The following CAPN3 variants were observed in gnomAD, a reference collection of about 807,000 sequenced individuals.
CAPN3 encodes calpain-3.
Under a neutral mutation model 114.0 loss-of-function variants are expected in CAPN3, and 88 were observed. That is an observed-to-expected ratio of 0.77 (90% CI 0.65 to 0.92). The LOEUF (loss-of-function observed/expected upper bound fraction) is 0.92. Among genes scored for constraint, CAPN3 ranks in the 40% least tolerant of loss-of-function variants. The pLI is 0.00. For synonymous variants in CAPN3, 386 were observed against 382.9 expected, an observed-to-expected ratio of 1.01 and a Z score of -0.09; for missense variants, 1,028 against 1,069.0, an observed-to-expected ratio of 0.96 and a Z score of 0.53.
chr15:42,371,146 T>C (rs1240640615), intron 1 of CAPN3, among the ~76,000 whole-genome samples: 1 of 152,208 alleles, frequency 6.6e-6, no homozygotes, highest in Non-Finnish European at 1.5e-5. Context: ...GGTACCCATT[T>C]GAGAGCCAGC....
intron 1 of CAPN3, chr15:42,374,457 G>A (rs908464092): frequency 6.6e-6 from 1 of 152,178 alleles, no homozygotes; most frequent in Non-Finnish European, 1.5e-5. Context: ...GTTCCTAGCA[G>A]GTGTTCAGGC....
chr15:42,371,930 C>T (rs917594987), intron 1 of CAPN3, among the ~76,000 whole-genome samples: 1 of 151,314 alleles, frequency 6.6e-6, no homozygotes, highest in Admixed American at 6.6e-5. Flanking sequence ...TAGTACTGCA[C>T]TCTAGCCTGG....
intron 5 of CAPN3, 118 bp from the exon 6 acceptor site, chr15:42,389,835 C>T: frequency 9.3e-6 from 10 of 1,079,196 alleles, no homozygotes; most frequent in Admixed American, 3.8e-5. Flanking sequence ...CTCTGTTGAT[C>T]TCTCCTCTCT....
Position 42,405,931 on chromosome 15 carries a change from GAAAA to G in CAPN3, c.1792_1795del (p.Lys598ProfsTer63). On this transcript the variant is annotated frameshift_variant, in exon 15 of 24. Coordinates refer to ENST00000397163, the MANE Select transcript of CAPN3 (RefSeq NM_000070.3). LOFTEE classifies it high-confidence loss of function. ...TGTTTCCTTTTCTTATGCAGAAAAA[GAAAA>G]AAACCAAGGTAGGTGTGTGGGTAGA... 1.2e-6 allele frequency: 2 copies of G among 1,612,100 alleles called. No individual in the cohort carries two copies. Among genetic ancestry groups the G allele is most frequent in the Non-Finnish European group, 1.7e-6 (2 of 1,178,310 alleles).
At position 42,387,792 on chromosome 15, in the gene CAPN3, G is replaced by A. The variant is rs767477904; in HGVS notation, c.538G>A (p.Asp180Asn). 6.2e-7 allele frequency: 1 copy of A among 1,614,220 alleles called. No individual in the cohort carries two copies. The highest frequency in any genetic ancestry group is 1.7e-5 in the Admixed American group (1 of 60,016). Residue 180 changes from aspartate (D) to asparagine (N), a missense_variant, in exon 4 of 24, where the codon GAC becomes AAC. Asp to Asn is a conservative substitution (Grantham distance 23). Coordinates refer to ENST00000397163, the MANE Select transcript of CAPN3 (RefSeq NM_000070.3). ...YGEWVDVVIDDCLPTYNNQLV... is the reference protein window; with the variant it reads ...YGEWVDVVIDNCLPTYNNQLV... ...AGAGTGGGTGGACGTGGTTATAGAT[G>A]ACTGCCTGCCAACGTACAACAATCA...
intron 23 of CAPN3, 80 bp downstream of exon 23, chr15:42,411,425 G>A (rs1436098013): frequency 7.9e-7 from 1 of 1,263,032 alleles, no homozygotes; most frequent in African/African-American, 1.5e-5. Context: ...TGGACCCAGG[G>A]TGTGCTCCTC....
intron 16 of CAPN3, chr15:42,408,581 A>G: frequency 1.9e-5 from 9 of 462,826 alleles, no homozygotes; most frequent in South Asian, 1.7e-4. Flanking sequence ...TCCAGCCAGG[A>G]TACAGAGAAG....
chr15:42,406,305 C>A (rs1398908183), intron 15 of CAPN3, among the ~76,000 whole-genome samples: 2 of 152,160 alleles, frequency 1.3e-5, no homozygotes, highest in Non-Finnish European at 2.9e-5. Context: ...TAGAGCCAGG[C>A]AGTCTGGGTC....
At chr15:42,403,071 A>G in intron 13 of CAPN3, 69 bp downstream of exon 13, 1 of 1,331,746 alleles carries the variant, frequency 7.5e-7, no homozygotes, top group African/African-American at 1.4e-5. Flanking sequence ...GGTTGAAGGC[A>G]TGAGGCAGCT....
chr15:42,370,421 G>A lies in CAPN3; in HGVS notation c.309+10307G>A, dbSNP rs148365897. 3.3e-3 allele frequency among the ~76,000 whole-genome samples: 499 copies of A among 152,276 alleles called. 3 individuals carry two copies. Among genetic ancestry groups the A allele is most frequent in the Non-Finnish European group, 5.5e-3 (377 of 68,030 alleles). ...GGGGCTGAATCACAGAAAAACCTAG[G>A]CTGTGGCAGGAAGCTCTCTGCTCCT... On this transcript the variant is annotated intron_variant, in intron 1 of 23. Coordinates refer to ENST00000397163, the MANE Select transcript of CAPN3 (RefSeq NM_000070.3).
intron 9 of CAPN3, among the ~76,000 whole-genome samples, chr15:42,398,519 G>A (rs2053764436): frequency 6.6e-6 from 1 of 151,236 alleles, no homozygotes; most frequent in Non-Finnish European, 1.5e-5. Flanking sequence ...AGGAGGTGGA[G>A]GTTGCAGTGA....
intron 2 of CAPN3, among the ~76,000 whole-genome samples, chr15:42,385,375 A>G (rs574914825): frequency 1.3e-5 from 2 of 152,190 alleles, no homozygotes; most frequent in Admixed American, 1.3e-4. Context: ...CTTTCCAAGG[A>G]AAGACTGGCT....
intron 1 of CAPN3, among the ~76,000 whole-genome samples, chr15:42,367,923 G>A (rs2052831024): frequency 6.6e-6 from 1 of 152,148 alleles, no homozygotes; most frequent in South Asian, 2.1e-4. Context: ...CAGACTCTGA[G>A]TAGCTGGGAC....
chr15:42,396,209 C>A (rs1340276982), intron 8 of CAPN3, among the ~76,000 whole-genome samples: 1 of 151,264 alleles, frequency 6.6e-6, no homozygotes, highest in South Asian at 2.1e-4. Context: ...TATTATTAAA[C>A]GGAACTCCCA....
intron 1 of CAPN3, among the ~76,000 whole-genome samples, chr15:42,381,599 G>A (rs1379764486): frequency 6.6e-6 from 1 of 152,144 alleles, no homozygotes; most frequent in Non-Finnish European, 1.5e-5. Flanking sequence ...GGAGTGCAGT[G>A]GTGCGATCTT....
Position 42,402,207 on chromosome 15 carries a change from T to A in CAPN3, c.1536+72T>A. The A allele has an allele frequency of 1.9e-6, 3 of 1,609,984 alleles. No individual in the cohort carries two copies. The South Asian group carries it at 3.3e-5, about 18-fold the overall frequency. ...GGGCCCCGAGTCTGTCTGTGGCTCG[T>A]CGAGAAGCTTCCTGGTGGGGTTTGT... On this transcript the variant is annotated intron_variant, in intron 12 of 23. Transcript: ENST00000397163.
intron 17 of CAPN3, 116 bp from the exon 18 acceptor site, chr15:42,409,671 T>G: frequency 1.0e-6 from 1 of 993,186 alleles, no homozygotes; most frequent in Non-Finnish European, 1.6e-6. Context: ...TCCCATGACA[T>G]AATAGCACCG....
intron 7 of CAPN3, among the ~76,000 whole-genome samples, chr15:42,393,101 GC>G (rs1387304894): frequency 6.6e-6 from 1 of 152,184 alleles, no homozygotes; most frequent in Non-Finnish European, 1.5e-5. Flanking sequence ...GGTTCCAGAA[GC>G]CCCAACAGTA....
At chr15:42,392,309 A>G (rs1464202195) in intron 6 of CAPN3, among the ~76,000 whole-genome samples, 1 of 152,156 alleles carries the variant, frequency 6.6e-6, no homozygotes, top group South Asian at 2.1e-4. Context: ...GGCAGCCTCC[A>G]ACTCTACCCC....
Sources: allele counts gnomAD v4.1 joint callset (sites outside exome capture counted in the v4.1 genomes callset), GRCh38; gene constraint gnomAD v4.1.1; transcripts MANE v1.5; gene names NCBI Gene and HGNC (gene_info 2026-07-23, HGNC 2026-07-21).